Variants in PALM2AKAP2 observed in about 807,000 individuals in gnomAD.
The protein encoded by PALM2AKAP2 is PALM2-AKAP2 fusion protein.
In PALM2AKAP2, 37 loss-of-function variants were observed where a neutral mutation model predicts 71.5. That is an observed-to-expected ratio of 0.52 (90% CI 0.40 to 0.68). The LOEUF is 0.68. Among genes scored for constraint, PALM2AKAP2 ranks in the 30% least tolerant of loss-of-function variants. The pLI is 0.00. For synonymous variants in PALM2AKAP2, 468 were observed against 478.8 expected (o/e 0.98, Z 0.29); for missense variants, 1,224 against 1,191.8 (o/e 1.03, Z -0.40).
chr9:110,040,526 A>T lies in PALM2AKAP2; in HGVS notation c.582+24487A>T, dbSNP rs149689959. 4.9e-4 allele frequency among the ~76,000 whole-genome samples: 74 copies of T among 152,336 alleles called. 1 individual carries two copies. The East Asian group carries it at 0.014, about 28-fold the overall frequency. On this transcript the variant is annotated intron_variant, in intron 7 of 9. Transcript: ENST00000302798. ...CTCTGAGAGAATCAGAATTCTTAAAACTTAAAATCTCAAGATTTGGTCTTT... is the reference window on the plus strand; with the variant it reads ...CTCTGAGAGAATCAGAATTCTTAAATCTTAAAATCTCAAGATTTGGTCTTT...
chr9:109,973,078 A>G (rs1231765895), intron 6 of PALM2AKAP2, among the ~76,000 whole-genome samples: 2 of 152,162 alleles, frequency 1.3e-5, no homozygotes, highest in Non-Finnish European at 2.9e-5. Flanking sequence ...GCACTGCTAT[A>G]CCCTAATAGA....
intron 1 of PALM2AKAP2, among the ~76,000 whole-genome samples, chr9:109,811,082 A>G (rs1430026370): frequency 2.0e-5 from 3 of 152,230 alleles, no homozygotes. Flanking sequence ...GATCTAAGGC[A>G]ATGCAGTCAG....
rs1472775871 is a variant in PALM2AKAP2 at position 109,887,834 on chromosome 9, A to C, written c.257+7153A>C. On this transcript the variant is annotated intron_variant, in intron 3 of 9. Transcript: ENST00000302798. ...CAACAGAAGTTGTTATTTTAAGCTAAATTTTTTTGAGACCTCTGATATTGA... is the reference window on the plus strand; with the variant it reads ...CAACAGAAGTTGTTATTTTAAGCTACATTTTTTTGAGACCTCTGATATTGA... Among the ~76,000 whole-genome samples the C allele has an allele frequency of 2.6e-5, 4 of 152,196 alleles. No individual in the cohort carries two copies. In the East Asian group the frequency reaches 5.8e-4, roughly 22 times the overall value.
intron 3 of PALM2AKAP2, among the ~76,000 whole-genome samples, chr9:109,914,430 A>G (rs1830640146): frequency 1.3e-5 from 2 of 152,350 alleles, no homozygotes; most frequent in South Asian, 4.1e-4. Flanking sequence ...AGCCACAGGA[A>G]TGACATTGCT....
chr9:109,655,473 A>T (rs1277623053), intron 1 of PALM2AKAP2, among the ~76,000 whole-genome samples: 1 of 152,164 alleles, frequency 6.6e-6, no homozygotes, highest in Non-Finnish European at 1.5e-5. Flanking sequence ...TTACCATTGT[A>T]ACCATTTATA....
chr9:110,135,821 C>T (rs1424043690), intron 1 of PALM2AKAP2, among the ~76,000 whole-genome samples: 1 of 152,192 alleles, frequency 6.6e-6, no homozygotes, highest in Non-Finnish European at 1.5e-5. Context: ...AGCCTGCAAT[C>T]ATTTGCCGCA....
chr9:110,020,109 G>A (rs1005235161), intron 7 of PALM2AKAP2, among the ~76,000 whole-genome samples: 12 of 152,040 alleles, frequency 7.9e-5, no homozygotes, highest in African/African-American at 2.7e-4. Context: ...CCTTTTGCCT[G>A]AGAAAACAAA....
At chr9:109,715,479 C>T (rs1045302625) in intron 1 of PALM2AKAP2, among the ~76,000 whole-genome samples, 2 of 152,158 alleles carry the variant, frequency 1.3e-5, no homozygotes, top group Non-Finnish European at 2.9e-5. Context: ...CGTTCTTCTT[C>T]CCAGGGATGC....
At chr9:110,082,212 A>C (rs1834465437) in intron 1 of PALM2AKAP2, among the ~76,000 whole-genome samples, 1 of 151,916 alleles carries the variant, frequency 6.6e-6, no homozygotes. Flanking sequence ...GTGTGCCACC[A>C]CACCCGACTA....
rs982824170 is a variant in PALM2AKAP2 at position 109,803,526 on chromosome 9, T to A, written c.45+22993T>A. Among the ~76,000 whole-genome samples the A allele has an allele frequency of 2.8e-4, 42 of 152,326 alleles. No homozygotes were observed. In the East Asian group the frequency reaches 4.2e-3, roughly 15 times the overall value. ...AAGAGGTCTACCTTGGAGATGCATT[T>A]ATATTCCCCCCTGAGATGCTGGTGA... On this transcript the variant is annotated intron_variant, in intron 1 of 9. Coordinates refer to the PALM2AKAP2 transcript ENST00000302798.
exon 2 of PALM2AKAP2, chr9:110,137,067 A>AGTT: frequency 6.2e-7 from 1 of 1,613,982 alleles, no homozygotes; most frequent in Admixed American, 1.7e-5. Flanking sequence ...CAGCAGGAAC[A>AGTT]GTTGCTGCTG....
At chr9:110,079,899 G>A (rs772810045) in intron 1 of PALM2AKAP2, among the ~76,000 whole-genome samples, 5 of 151,768 alleles carry the variant, frequency 3.3e-5, no homozygotes, top group African/African-American at 4.8e-5. Context: ...GTGAAACCTC[G>A]TCTCTACTGA....
chr9:109,722,636 G>A (rs1049531257), intron 1 of PALM2AKAP2, among the ~76,000 whole-genome samples: 1 of 152,126 alleles, frequency 6.6e-6, no homozygotes, highest in African/African-American at 2.4e-5. Context: ...GCCAGGCGTG[G>A]TGGCATGCAC....
At chr9:109,851,196 ACAACAACAACAAC>A (rs1344528589) in intron 1 of PALM2AKAP2, among the ~76,000 whole-genome samples, 1 of 46,350 alleles carries the variant, frequency 2.2e-5, no homozygotes, top group Non-Finnish European at 4.1e-5. Context: ...AACAACAACA[ACAACAACAACAAC>A]AAAAAAAAAA....
chr9:109,705,952 G>GCC (rs1828137022), intron 1 of PALM2AKAP2, among the ~76,000 whole-genome samples: 1 of 152,126 alleles, frequency 6.6e-6, no homozygotes, highest in African/African-American at 2.4e-5. Flanking sequence ...CTTCTGCCCT[G>GCC]CCCCAAGTCC....
intron 1 of PALM2AKAP2, among the ~76,000 whole-genome samples, chr9:109,753,069 G>A (rs939358461): frequency 7.9e-5 from 12 of 152,084 alleles, no homozygotes. Context: ...GATAATGATT[G>A]GTGAACCAAG....
intron 2 of PALM2AKAP2, among the ~76,000 whole-genome samples, chr9:109,874,501 G>A (rs1829675861): frequency 6.6e-6 from 1 of 152,116 alleles, no homozygotes; most frequent in Non-Finnish European, 1.5e-5. Context: ...TACATGTAAA[G>A]CACATAAAGC....
chr9:109,643,694 CA>C lies in PALM2AKAP2; in HGVS notation c.5+2830del, dbSNP rs1827107428. Among the ~76,000 whole-genome samples, 3 of 152,326 alleles carry C rather than the reference CA, an allele frequency of 2.0e-5. No individual in the cohort carries two copies. In the South Asian group the frequency reaches 6.2e-4, roughly 32 times the overall value. On this transcript the variant is annotated intron_variant, in intron 1 of 6. Transcript: ENST00000374531. ...TGGCCTCAGCTTTCCCATTCCCAAGCAACATTCCAAAGTTCTCACTTCCTGG... is the reference window on the plus strand; with the variant it reads ...TGGCCTCAGCTTTCCCATTCCCAAGCACATTCCAAAGTTCTCACTTCCTGG...
intron 6 of PALM2AKAP2, among the ~76,000 whole-genome samples, chr9:110,011,434 G>C (rs1456736865): frequency 1.3e-5 from 2 of 151,998 alleles, no homozygotes; most frequent in East Asian, 3.9e-4. Context: ...TTAGTCGAGG[G>C]GAAACTCTTC....
Sources: allele counts gnomAD v4.1 joint callset (sites outside exome capture counted in the v4.1 genomes callset), GRCh38; gene constraint gnomAD v4.1.1; transcripts MANE v1.5; gene names NCBI Gene and HGNC (gene_info 2026-07-23, HGNC 2026-07-21).